Variants in ARSG observed in about 807,000 individuals in gnomAD.
The protein encoded by ARSG is ASG.
A neutral mutation model predicts 50.5 loss-of-function variants in ARSG; 37 were observed. That is an observed-to-expected ratio of 0.73 (90% CI 0.56 to 0.96). The LOEUF is 0.96. Among genes scored for constraint, ARSG ranks in the 50% least tolerant of loss-of-function variants. The pLI, the probability that ARSG is intolerant of heterozygous loss-of-function variation, is 0.00. For missense variants in ARSG, 629 were observed against 675.3 expected (o/e 0.93, Z 0.76); for synonymous variants, 225 against 254.6 (o/e 0.88, Z 1.11).
At chr17:68,390,597 G>A (rs192482319) in intron 9 of ARSG, among the ~76,000 whole-genome samples, 89 of 152,066 alleles carry the variant, frequency 5.9e-4, no homozygotes, top group Non-Finnish European at 1.1e-3. Context: ...TCAGACCCAT[G>A]AGGCATAGTG....
At chr17:68,443,465 G>T in the ARSG span, among the ~76,000 whole-genome samples, 1 of 152,172 alleles carries the variant, frequency 6.6e-6, no homozygotes, top group Non-Finnish European at 1.5e-5. Context: ...TGAAAGCACT[G>T]AAATCAACAG....
At chr17:68,320,499 C>G (rs2077240707) in intron 2 of ARSG, among the ~76,000 whole-genome samples, 1 of 152,140 alleles carries the variant, frequency 6.6e-6, no homozygotes, top group Non-Finnish European at 1.5e-5. Context: ...GGCACTGTCC[C>G]AGGTGCTGGG....
the ARSG span, among the ~76,000 whole-genome samples, chr17:68,432,972 C>A: frequency 1.3e-5 from 2 of 152,172 alleles, no homozygotes; most frequent in Non-Finnish European, 2.9e-5. Context: ...TTAGGCTTTT[C>A]TTTCACTTTT....
At chr17:68,426,633 A>G (rs904897509), downstream of ARSG, among the ~76,000 whole-genome samples, 1 of 152,204 alleles carries the variant, frequency 6.6e-6, no homozygotes, top group Non-Finnish European at 1.5e-5. Flanking sequence ...CTCTGGTTCA[A>G]GCAATTCTCC....
At chr17:68,278,358 C>T (rs1314598869) in intron 1 of ARSG, 1 of 1,412,580 alleles carries the variant, frequency 7.1e-7, no homozygotes, top group Admixed American at 1.7e-5. Flanking sequence ...CAATTCAGAT[C>T]AGCAATAGCA....
At chr17:68,333,017 G>T (rs1338527998) in intron 2 of ARSG, among the ~76,000 whole-genome samples, 1 of 152,190 alleles carries the variant, frequency 6.6e-6, no homozygotes, top group Non-Finnish European at 1.5e-5. Context: ...TCAGCTATAA[G>T]AGTAATAAGA....
intron 2 of ARSG, among the ~76,000 whole-genome samples, chr17:68,328,685 A>G (rs964733492): frequency 6.6e-6 from 1 of 152,164 alleles, no homozygotes; most frequent in Non-Finnish European, 1.5e-5. Flanking sequence ...GGTGATACGC[A>G]TGTGTCTGTT....
intron 10 of ARSG, among the ~76,000 whole-genome samples, chr17:68,397,711 G>T (rs539996628): frequency 6.6e-6 from 1 of 152,162 alleles, no homozygotes; most frequent in Non-Finnish European, 1.5e-5. Flanking sequence ...TGTGTTATAC[G>T]TGTGCATGCA....
intron 2 of ARSG, among the ~76,000 whole-genome samples, chr17:68,333,357 G>A (rs924705960): frequency 6.6e-6 from 1 of 151,618 alleles, no homozygotes; most frequent in Non-Finnish European, 1.5e-5. Context: ...GCCGGGCGTG[G>A]TGGCTCACGC....
intron 1 of ARSG, among the ~76,000 whole-genome samples, chr17:68,259,580 C>T (rs2075041573): frequency 6.6e-6 from 1 of 152,112 alleles, no homozygotes; most frequent in Non-Finnish European, 1.5e-5. Context: ...TTCTAGTAGT[C>T]GTATTAGCAA....
rs140503465 is a variant in ARSG, at chr17:68,282,015, G to T, written c.-552+22589G>T. On this transcript the variant is annotated intron_variant, in intron 1 of 11. Transcript: ENST00000448504. Reference sequence around the variant, plus strand: ...CCCATTACTGGGTATATACCCAAAGGATTATAAATCATGCTGCTATAAAGA... The same window carrying T: ...CCCATTACTGGGTATATACCCAAAGTATTATAAATCATGCTGCTATAAAGA... 3.2e-4 allele frequency among the ~76,000 whole-genome samples: 49 copies of T among 152,258 alleles called. 2 individuals carry two copies. The East Asian group carries it at 9.3e-3, about 29-fold the overall frequency.
At chr17:68,433,893 C>T in the ARSG span, among the ~76,000 whole-genome samples, 1 of 149,176 alleles carries the variant, frequency 6.7e-6, no homozygotes, top group Non-Finnish European at 1.5e-5. Flanking sequence ...AGCGATTCTC[C>T]TGCCTCAGCC....
At chr17:68,362,037 G>A (rs1047833652) in intron 6 of ARSG, among the ~76,000 whole-genome samples, 9 of 152,248 alleles carry the variant, frequency 5.9e-5, no homozygotes, top group African/African-American at 1.7e-4. Context: ...TTGTTATAGC[G>A]TCCCTAGCAG....
At chr17:68,428,937 C>T in the ARSG span, 1 of 1,612,366 alleles carries the variant, frequency 6.2e-7, no homozygotes, top group Non-Finnish European at 8.5e-7. Flanking sequence ...CTTCTGGATC[C>T]TAAGGGCCAA....
At chr17:68,354,720 C>T (rs1256156973) in intron 5 of ARSG, among the ~76,000 whole-genome samples, 1 of 151,978 alleles carries the variant, frequency 6.6e-6, no homozygotes, top group East Asian at 1.9e-4. Flanking sequence ...CCGTTCTTTA[C>T]AAAAAATACA....
At chr17:68,293,515 A>T (rs2076094702) in intron 1 of ARSG, among the ~76,000 whole-genome samples, 1 of 151,860 alleles carries the variant, frequency 6.6e-6, no homozygotes, top group African/African-American at 2.4e-5. Context: ...TAATAATAAT[A>T]ATAGATTTTT....
chr17:68,360,455 C>A (rs1162477007), intron 6 of ARSG, among the ~76,000 whole-genome samples: 3 of 152,166 alleles, frequency 2.0e-5, no homozygotes, highest in Non-Finnish European at 4.4e-5. Context: ...GACAAGGGGG[C>A]CCACCCTGGG....
intron 1 of ARSG, among the ~76,000 whole-genome samples, chr17:68,295,341 C>T (rs1228924138): frequency 6.6e-6 from 1 of 152,042 alleles, no homozygotes. Flanking sequence ...GGTGCAGTAT[C>T]GATGTATCGT....
intron 2 of ARSG, among the ~76,000 whole-genome samples, chr17:68,331,404 C>A (rs998367273): frequency 2.0e-5 from 3 of 152,060 alleles, no homozygotes; most frequent in Non-Finnish European, 4.4e-5. Flanking sequence ...ACCAGCTTGC[C>A]TGGCTAATTT....
Sources: allele counts gnomAD v4.1 joint callset (sites outside exome capture counted in the v4.1 genomes callset), GRCh38; gene constraint gnomAD v4.1.1; transcripts MANE v1.5; gene names NCBI Gene and HGNC (gene_info 2026-07-23, HGNC 2026-07-21).